MTAP: variants seen among roughly 807,000 people sequenced by gnomAD.
MTAP encodes the protein S-methyl-5'-thioadenosine phosphorylase.
In MTAP, 33 loss-of-function variants were observed where a neutral mutation model predicts 33.6. The observed-to-expected ratio is 0.98, with a 90% confidence interval of 0.74 to 1.31. The LOEUF is 1.31. Among genes scored for constraint, MTAP ranks in the 40% most tolerant of loss-of-function variants. The probability of loss-of-function intolerance (pLI) is 0.00; values close to 1 mark genes in which losing one functional copy is unlikely to be tolerated. For synonymous variants in MTAP, 148 were observed against 125.7 expected (o/e 1.18, Z -1.19); for missense variants, 367 against 360.0 (o/e 1.02, Z -0.16).
intron 1 of MTAP, among the ~76,000 whole-genome samples, chr9:21,921,894 T>C (rs1427819857): frequency 6.6e-6 from 1 of 151,956 alleles, no homozygotes; most frequent in Admixed American, 6.6e-5. Context: ...GGTGGGAGTG[T>C]TGGAGTAGGT....
intron 2 of MTAP, 85 bp from the exon 3 acceptor site, chr9:21,816,629 T>C: frequency 8.8e-7 from 1 of 1,134,784 alleles, no homozygotes; most frequent in Non-Finnish European, 1.3e-6. Flanking sequence ...TCAGATTCCA[T>C]GAGTCCTGTT....
chr9:21,804,774 G>A (rs1041778954), intron 1 of MTAP, among the ~76,000 whole-genome samples: 6 of 152,192 alleles, frequency 3.9e-5, no homozygotes, highest in Non-Finnish European at 7.3e-5. Flanking sequence ...CCCGTTTTGC[G>A]GGTGTAAAGT....
intron 1 of MTAP, chr9:21,809,027 T>TG (rs2117938069): frequency 6.6e-6 from 1 of 152,234 alleles, no homozygotes; most frequent in African/African-American, 2.4e-5. Context: ...CTCTTGCTTA[T>TG]GGGGAAAACC....
intron 1 of MTAP, among the ~76,000 whole-genome samples, chr9:21,911,417 A>G (rs1197383831): frequency 1.3e-5 from 2 of 152,220 alleles, no homozygotes; most frequent in Non-Finnish European, 2.9e-5. Flanking sequence ...AACAGAAATT[A>G]TAATAAACTG....
intron 1 of MTAP, among the ~76,000 whole-genome samples, chr9:21,891,922 G>A (rs887833716): frequency 5.9e-5 from 9 of 152,118 alleles, no homozygotes; most frequent in Non-Finnish European, 1.3e-4. Context: ...GGCTAACAAT[G>A]GACCTTTCAG....
At chr9:21,861,783 A>G in intron 7 of MTAP, 193 bp from the exon 8 acceptor site, 1 of 600,506 alleles carries the variant, frequency 1.7e-6, no homozygotes. Flanking sequence ...GAGGTGAGGA[A>G]CCAAGAGTTT....
intron 4 of MTAP, among the ~76,000 whole-genome samples, chr9:21,829,619 C>T (rs570650586): frequency 8.7e-5 from 13 of 148,840 alleles, no homozygotes; most frequent in Admixed American, 1.3e-4. Context: ...TTTGTCAGCA[C>T]GTTGTCTCAG....
downstream of MTAP, among the ~76,000 whole-genome samples, chr9:21,940,517 G>A (rs1481714736): frequency 2.6e-5 from 4 of 152,136 alleles, no homozygotes; most frequent in Non-Finnish European, 5.9e-5. Flanking sequence ...AACTGAACTG[G>A]ATCCTGAATT....
At chr9:21,824,826 G>A (rs754838040) in intron 4 of MTAP, among the ~76,000 whole-genome samples, 75 of 152,302 alleles carry the variant, frequency 4.9e-4, no homozygotes, top group African/African-American at 1.3e-3. Context: ...CAGCCTTGCC[G>A]CCGCCTTGCA....
At chr9:21,830,266 C>T (rs1314261991) in intron 4 of MTAP, among the ~76,000 whole-genome samples, 2 of 152,318 alleles carry the variant, frequency 1.3e-5, no homozygotes, top group East Asian at 3.9e-4. Flanking sequence ...TGCTTCCTTG[C>T]CATAGGCCCT....
chr9:21,829,387 T>C (rs1349787711), intron 4 of MTAP, among the ~76,000 whole-genome samples: 1 of 151,914 alleles, frequency 6.6e-6, no homozygotes, highest in African/African-American at 2.4e-5. Flanking sequence ...AGGGCTGAAT[T>C]GCACCATCTC....
intron 1 of MTAP, among the ~76,000 whole-genome samples, chr9:21,803,961 A>T (rs1563826311): frequency 6.6e-6 from 1 of 152,178 alleles, no homozygotes; most frequent in African/African-American, 2.4e-5. Flanking sequence ...TATGAAACTT[A>T]TTTTGTCATT....
chr9:21,831,786 T>C lies in MTAP; in HGVS notation c.348-6122T>C, dbSNP rs575984031. Reference sequence around the variant, plus strand: ...ATCAGGAATGTTTTGCAGATATTGATTTTTTTTTTTTTTACAATGAGAAAA... The same window carrying C: ...ATCAGGAATGTTTTGCAGATATTGACTTTTTTTTTTTTTACAATGAGAAAA... On this transcript the variant is annotated intron_variant, in intron 4 of 7. Coordinates refer to ENST00000644715, the MANE Select transcript of MTAP (RefSeq NM_002451.4). Among the ~76,000 whole-genome samples, 328 of 63,780 alleles carry C rather than the reference T, an allele frequency of 5.1e-3. 1 individual carries two copies. The highest frequency in any genetic ancestry group is 0.01 in the African/African-American group (293 of 28,158). The allele number at this position is 63,780 out of a possible 152,430, so 41.8% of individuals were successfully genotyped here.
intron 1 of MTAP, among the ~76,000 whole-genome samples, chr9:21,909,793 A>G (rs901005275): frequency 6.6e-6 from 1 of 152,194 alleles, no homozygotes; most frequent in Non-Finnish European, 1.5e-5. Context: ...TTATTCTCAC[A>G]ATACATTGTT....
intron 6 of MTAP, 46 bp from the exon 7 acceptor site, chr9:21,859,257 G>A: frequency 6.4e-7 from 1 of 1,568,184 alleles, no homozygotes; most frequent in Non-Finnish European, 8.6e-7. Flanking sequence ...ATGACAAGCA[G>A]TGGAATTTTA....
intron 4 of MTAP, among the ~76,000 whole-genome samples, chr9:21,827,952 T>G (rs1250864306): frequency 2.6e-5 from 4 of 152,272 alleles, no homozygotes; most frequent in Non-Finnish European, 5.9e-5. Context: ...AAGTCTGAAT[T>G]GGGCACTGAG....
At chr9:21,802,960 C>T (rs1181710617) in intron 1 of MTAP, 179 bp downstream of exon 1, 2 of 1,375,144 alleles carry the variant, frequency 1.5e-6, no homozygotes, top group African/African-American at 1.6e-5. Flanking sequence ...GGTACGCTTG[C>T]AAATGATCCC....
Position 21,843,013 on chromosome 9 carries a change from C to G in MTAP, c.450+5003C>G, listed in dbSNP as rs574999937. 1.4e-3 allele frequency among the ~76,000 whole-genome samples: 213 copies of G among 152,274 alleles called. 1 individual carries two copies. Among genetic ancestry groups the G allele is most frequent in the African/African-American group, 5.0e-3 (208 of 41,564 alleles). ...CTACCAACTAAGTATCTGCAGTCTT[C>G]AGGAGAATCACCTAGCACACATGAA... On this transcript the variant is annotated intron_variant, in intron 5 of 7. Coordinates refer to ENST00000644715, the MANE Select transcript of MTAP (RefSeq NM_002451.4).
rs1338193528 is a variant in MTAP at position 21,918,283 on chromosome 9, G to A, written c.148-12725G>A. On this transcript the variant is annotated intron_variant, in intron 1 of 1. Coordinates refer to the MTAP transcript ENST00000577563. Reference sequence around the variant, plus strand: ...GAGAATGGCGTGAACCCGGGAGGCGGAGCTTGCAGTGAGCAGAGATCCCGC... The same window carrying A: ...GAGAATGGCGTGAACCCGGGAGGCGAAGCTTGCAGTGAGCAGAGATCCCGC... Among the ~76,000 whole-genome samples the A allele has an allele frequency of 2.4e-5, 3 of 124,158 alleles. 1 individual carries two copies. The highest frequency in any genetic ancestry group is 1.3e-4 in the African/African-American group (3 of 23,248). 81.5% of individuals were successfully genotyped at this position (124,158 alleles called of 152,430 possible).
Sources: allele counts gnomAD v4.1 joint callset (sites outside exome capture counted in the v4.1 genomes callset), GRCh38; gene constraint gnomAD v4.1.1; transcripts MANE v1.5; gene names NCBI Gene and HGNC (gene_info 2026-07-23, HGNC 2026-07-21).